Variants in SDHB observed in about 807,000 individuals in gnomAD.
SDHB encodes the protein succinate dehydrogenase [ubiquinone] iron-sulfur subunit, mitochondrial.
A neutral mutation model predicts 39.7 loss-of-function variants in SDHB; 21 were observed. That is an observed-to-expected ratio of 0.53 (90% CI 0.37 to 0.76). SDHB has a LOEUF of 0.76. SDHB is among the 30% of genes least tolerant of loss of function. The pLI is 0.00. For missense variants in SDHB, 343 were observed against 350.9 expected (o/e 0.98, Z 0.18); for synonymous variants, 118 against 117.0 (o/e 1.01, Z -0.06).
chr1:17,040,053 T>C (rs984269405), intron 2 of SDHB, among the ~76,000 whole-genome samples: 9 of 152,216 alleles, frequency 5.9e-5, no homozygotes, highest in African/African-American at 2.2e-4. Flanking sequence ...ATGTTTTTAT[T>C]TCATAATCAT....
chr1:17,023,933 G>A, intron 6 of SDHB, 40 bp downstream of exon 6: 1 of 1,469,570 alleles, frequency 6.8e-7, no homozygotes, highest in Non-Finnish European at 9.5e-7. Context: ...CTGGATGCTT[G>A]AGTTTCAATT....
intron 1 of SDHB, among the ~76,000 whole-genome samples, chr1:17,051,309 A>G (rs1363732139): frequency 6.6e-6 from 1 of 152,206 alleles, no homozygotes; most frequent in Non-Finnish European, 1.5e-5. Flanking sequence ...GGATAGTATG[A>G]ATTTCATAGT....
chr1:17,049,647 CTTTTTTTTTTTTTTTTTTT>C (rs397835910), intron 1 of SDHB, among the ~76,000 whole-genome samples: 1 of 52,064 alleles, frequency 1.9e-5, no homozygotes, highest in Admixed American at 3.6e-4. Flanking sequence ...TCCCCTAGTT[CTTTTTTTTTTTTTTTTTTT>C]TTTTTTTTTT....
intron 7 of SDHB, among the ~76,000 whole-genome samples, chr1:17,020,770 C>T (rs951729650): frequency 6.6e-5 from 10 of 152,194 alleles, no homozygotes; most frequent in African/African-American, 2.2e-4. Flanking sequence ...TAGCTATTCA[C>T]AGGCACAATC....
At chr1:17,032,570 C>T (rs1212799202) in intron 3 of SDHB, 3 of 199,434 alleles carry the variant, frequency 1.5e-5, no homozygotes, top group Admixed American at 5.3e-5. Context: ...CTCAAATGGG[C>T]TCATGTGGCA....
At chr1:17,038,024 A>T (rs2078059685) in intron 2 of SDHB, among the ~76,000 whole-genome samples, 1 of 152,184 alleles carries the variant, frequency 6.6e-6, no homozygotes, top group Non-Finnish European at 1.5e-5. Context: ...CTGTAATCCC[A>T]GCTACTTGGG....
chr1:17,052,608 AT>A (rs1351625380), intron 1 of SDHB: 1 of 152,270 alleles, frequency 6.6e-6, no homozygotes, highest in Admixed American at 6.5e-5. Context: ...AAACAAGCTC[AT>A]TATCAATCAT....
intron 7 of SDHB, among the ~76,000 whole-genome samples, chr1:17,021,752 A>G (rs2077963140): frequency 6.8e-6 from 1 of 147,592 alleles, no homozygotes; most frequent in Non-Finnish European, 1.5e-5. Context: ...TCTGTCTCCA[A>G]AAAAAAAAAA....
At position 17,053,955 on chromosome 1, in the gene SDHB, C is replaced by T. The variant is rs141230910; in HGVS notation, c.65G>A (p.Cys22Tyr). The change falls in exon 1 of 8, where the codon TGC becomes TAC. Residue 22 changes from cysteine (C) to tyrosine (Y), a missense_variant. By Grantham distance (194) the Cys-to-Tyr change is radical. Transcript: ENST00000375499. ...RLPATTLGGA[C>Y]LQASRGAQTA... ...TGAGGCTCCAGGACTCACCTGCAGG[C>T]AGGCTCCGCCAAGGGTTGTGGCCGG... 2 of 1,612,584 alleles carry T rather than the reference C, an allele frequency of 1.2e-6. No homozygotes were observed. Among genetic ancestry groups the T allele is most frequent in the Admixed American group, 1.7e-5 (1 of 59,910 alleles).
At chr1:17,041,106 G>C (rs1265800854) in intron 2 of SDHB, among the ~76,000 whole-genome samples, 1 of 152,034 alleles carries the variant, frequency 6.6e-6, no homozygotes, top group East Asian at 2.0e-4. Flanking sequence ...CTCCAGCCTG[G>C]ATGACAGAGC....
rs757147535 is a variant in SDHB at position 17,033,023 on chromosome 1, A to C, written c.286+37T>G. 3.3e-6 allele frequency: 5 copies of C among 1,533,836 alleles called. No homozygotes were observed. The Admixed American group carries it at 6.7e-5, about 21-fold the overall frequency. On this transcript the variant is annotated intron_variant, in intron 3 of 7. Coordinates refer to ENST00000375499, the MANE Select transcript of SDHB (RefSeq NM_003000.3). ...CCAGCCCAAGCCTCTTTGGAAGACC[A>C]CAAGTATCTGGAGCCCAACAGGAAT...
chr1:17,021,703 C>A (rs551202810), intron 7 of SDHB, among the ~76,000 whole-genome samples: 4 of 150,510 alleles, frequency 2.7e-5, no homozygotes, highest in Admixed American at 2.6e-4. Flanking sequence ...TGAGATCGAT[C>A]GTGCCATTGC....
intron 2 of SDHB, among the ~76,000 whole-genome samples, chr1:17,033,630 G>A (rs932826304): frequency 2.0e-5 from 3 of 152,186 alleles, no homozygotes; most frequent in African/African-American, 7.2e-5. Context: ...AACATACAAG[G>A]GCAGTGACAT....
chr1:17,029,600 T>G (rs1309776995), intron 3 of SDHB, among the ~76,000 whole-genome samples: 1 of 152,190 alleles, frequency 6.6e-6, no homozygotes, highest in Non-Finnish European at 1.5e-5. Flanking sequence ...AACCTAGATT[T>G]TTTAAAGCCA....
chr1:17,025,420 T>G (rs1221523834), intron 5 of SDHB, among the ~76,000 whole-genome samples: 1 of 151,604 alleles, frequency 6.6e-6, no homozygotes, highest in Non-Finnish European at 1.5e-5. Context: ...CTTTTTTTTT[T>G]TTTTTTTGAG....
chr1:17,052,044 A>C (rs781089509), intron 1 of SDHB, among the ~76,000 whole-genome samples: 53 of 151,860 alleles, frequency 3.5e-4, no homozygotes, highest in South Asian at 2.3e-3. Flanking sequence ...ACGGGGTTTC[A>C]CCATGTTGGC....
intron 7 of SDHB, among the ~76,000 whole-genome samples, chr1:17,021,965 T>C (rs2077964193): frequency 6.6e-6 from 1 of 152,220 alleles, no homozygotes; most frequent in South Asian, 2.1e-4. Context: ...AGCCGGTCTG[T>C]AGCCAGCTGT....
At chr1:17,041,713 A>C (rs1260107628) in intron 2 of SDHB, among the ~76,000 whole-genome samples, 3 of 152,140 alleles carry the variant, frequency 2.0e-5, no homozygotes, top group African/African-American at 4.8e-5. Context: ...GCTGTAGAGA[A>C]TCTGGATTGC....
chr1:17,033,193 C>G, intron 2 of SDHB, 48 bp from the exon 3 acceptor site: 1 of 1,351,076 alleles, frequency 7.4e-7, no homozygotes, highest in Middle Eastern at 1.8e-4. Flanking sequence ...TTCAACCTCC[C>G]TACACTTTAT....
Sources: gnomAD v4.1 joint callset for allele counts (sites outside exome capture counted in the v4.1 genomes callset) on GRCh38, gnomAD v4.1.1 for gene constraint, MANE v1.5 for transcripts, NCBI Gene and HGNC (gene_info 2026-07-23, HGNC 2026-07-21) for gene names.